The following ACSBG1 variants were observed in gnomAD, a reference collection of about 807,000 sequenced individuals.
ACSBG1 encodes acyl-CoA synthetase bubblegum family member 1.
In ACSBG1, 39 loss-of-function variants were observed where a neutral mutation model predicts 80.2. The observed-to-expected ratio is 0.49, with a 90% confidence interval of 0.38 to 0.64. The LOEUF (loss-of-function observed/expected upper bound fraction) is 0.64, where lower values mean the gene tolerates loss of function less well. ACSBG1 is among the 30% of genes least tolerant of loss of function. The pLI is 0.00. For synonymous variants in ACSBG1, 392 were observed against 379.5 expected, an observed-to-expected ratio of 1.03 and a Z score of -0.38; for missense variants, 828 against 966.4, an observed-to-expected ratio of 0.86 and a Z score of 1.90.
rs907265291 is a variant in ACSBG1 at position 78,208,156 on chromosome 15, C to CT, written c.132-55dup. The CT allele has an allele frequency of 8.7e-5, 127 of 1,453,990 alleles. No homozygotes were observed. The African/African-American group carries it at 1.7e-3, about 19-fold the overall frequency. 90.1% of individuals were successfully genotyped at this position (1,453,990 alleles called of 1,614,324 possible). A position where few individuals can be genotyped will look rare whatever the true frequency, so the allele number is the denominator to read the frequency against. On this transcript the variant is annotated intron_variant, in intron 1 of 13. Transcript: ENST00000258873. ...ATTCATTAGAACGTGGGGGACCGGC[C>CT]TGGGCTTAGGGACTCCGGCCTGGCA...
At chr15:78,194,108 G>T in intron 3 of ACSBG1, 88 bp from the exon 4 acceptor site, 4 of 1,287,472 alleles carry the variant, frequency 3.1e-6, no homozygotes, top group Non-Finnish European at 4.5e-6. Flanking sequence ...AGACTGCAGG[G>T]GACCTGCAGG....
At chr15:78,186,674 G>C (rs1224323783) in intron 5 of ACSBG1, among the ~76,000 whole-genome samples, 2 of 152,048 alleles carry the variant, frequency 1.3e-5, no homozygotes, top group East Asian at 1.9e-4. Context: ...ATTCAAAGCA[G>C]TGTGTAGAGG....
chr15:78,210,820 C>T (rs1274780679), intron 1 of ACSBG1, among the ~76,000 whole-genome samples: 1 of 152,094 alleles, frequency 6.6e-6, no homozygotes, highest in African/African-American at 2.4e-5. Flanking sequence ...TGCTATGTTG[C>T]CAGGCCTGGT....
chr15:78,199,237 G>C (rs903992304), intron 2 of ACSBG1, among the ~76,000 whole-genome samples: 2 of 151,776 alleles, frequency 1.3e-5, no homozygotes, highest in African/African-American at 4.8e-5. Context: ...ACAGCACTAA[G>C]CCCAGCTAAT....
rs2074805970 is a variant in ACSBG1, at chr15:78,170,435, T to G, written c.*1009A>C. The G allele has an allele frequency of 6.6e-6, 1 of 152,098 alleles. No homozygotes were observed. 9.4% of individuals were successfully genotyped at this position (152,098 alleles called of 1,614,324 possible). On this transcript the variant is annotated 3_prime_UTR_variant, in exon 14 of 14. Coordinates refer to ENST00000258873, the MANE Select transcript of ACSBG1 (RefSeq NM_015162.5). Reference sequence around the variant, plus strand: ...TGTAACCGCCCCCCCAGACTTATAATCTTAAATGTATTTTCCTTTGTTTAA... The same window carrying G: ...TGTAACCGCCCCCCCAGACTTATAAGCTTAAATGTATTTTCCTTTGTTTAA...
chr15:78,189,396 CAAT>C (rs1483394777), intron 5 of ACSBG1, among the ~76,000 whole-genome samples: 2 of 151,420 alleles, frequency 1.3e-5, no homozygotes, highest in African/African-American at 4.9e-5. Context: ...GCACTATTCA[CAAT>C]AGCAAAGACT....
At position 78,182,440 on chromosome 15, in the gene ACSBG1, C is replaced by A. The variant is rs8032366; in HGVS notation, c.894+26G>T. 0.052 allele frequency: 84,148 copies of A among 1,611,836 alleles called. 2,525 individuals are homozygous for A. The highest frequency in any genetic ancestry group is 0.13 in the African/African-American group (9,410 of 74,976). On this transcript the variant is annotated intron_variant, in intron 7 of 13. Transcript: ENST00000258873. ...CCACCCATAACCCCCTTGCACCCCC[C>A]CCACCCCACCGGGCATCTGTCCTAC...
intron 5 of ACSBG1, among the ~76,000 whole-genome samples, chr15:78,185,548 A>G (rs1374139101): frequency 6.6e-6 from 1 of 152,212 alleles, no homozygotes; most frequent in Non-Finnish European, 1.5e-5. Context: ...AATCAAATAT[A>G]CATGTAATTG....
intron 4 of ACSBG1, 134 bp from the exon 5 acceptor site, chr15:78,193,760 G>A (rs2075081358): frequency 6.9e-7 from 1 of 1,442,784 alleles, no homozygotes; most frequent in Non-Finnish European, 9.3e-7. Flanking sequence ...AGGCACCTGA[G>A]CACCTCCTCC....
At chr15:78,186,397 A>G (rs966269580) in intron 5 of ACSBG1, among the ~76,000 whole-genome samples, 6 of 152,226 alleles carry the variant, frequency 3.9e-5, no homozygotes, top group Non-Finnish European at 5.9e-5. Context: ...CACCACACCT[A>G]TTCCAAAACT....
At chr15:78,187,855 T>C (rs111556103) in intron 5 of ACSBG1, among the ~76,000 whole-genome samples, 2 of 152,126 alleles carry the variant, frequency 1.3e-5, no homozygotes, top group African/African-American at 4.8e-5. Flanking sequence ...AAATAAAGGG[T>C]ATTCAATTAG....
At chr15:78,181,810 T>C (rs1016736169) in intron 8 of ACSBG1, among the ~76,000 whole-genome samples, 159 bp downstream of exon 8, 2 of 152,172 alleles carry the variant, frequency 1.3e-5, no homozygotes, top group Admixed American at 6.5e-5. Context: ...CCTTCTTGTT[T>C]GGTCATTCGA....
At chr15:78,185,323 G>A (rs1419724119) in intron 5 of ACSBG1, among the ~76,000 whole-genome samples, 1 of 152,192 alleles carries the variant, frequency 6.6e-6, no homozygotes, top group Non-Finnish European at 1.5e-5. Flanking sequence ...AGCAGCTGAT[G>A]TAGGAATTGC....
chr15:78,232,051 C>A (rs1426178949), intron 1 of ACSBG1, among the ~76,000 whole-genome samples: 1 of 152,336 alleles, frequency 6.6e-6, no homozygotes, highest in East Asian at 1.9e-4. Context: ...AGGAGCAGAG[C>A]TGGACTGGAA....
At chr15:78,207,383 T>C (rs2075225260) in intron 2 of ACSBG1, among the ~76,000 whole-genome samples, 1 of 152,164 alleles carries the variant, frequency 6.6e-6, no homozygotes, top group African/African-American at 2.4e-5. Flanking sequence ...TGTTTTCTTT[T>C]TGTTTTTAAA....
intron 1 of ACSBG1, among the ~76,000 whole-genome samples, chr15:78,209,450 C>T (rs2075249365): frequency 6.6e-6 from 1 of 152,158 alleles, no homozygotes; most frequent in African/African-American, 2.4e-5. Flanking sequence ...GAGATGGCAA[C>T]GTGTGCTTCC....
chr15:78,172,898 G>A lies in ACSBG1; in HGVS notation c.2089+695C>T, dbSNP rs529373095. ...CCTTTGTCACACAAGCTGACTTTCCGGAAGATCACAGTACTCTCACCCCTA... is the reference window on the plus strand; with the variant it reads ...CCTTTGTCACACAAGCTGACTTTCCAGAAGATCACAGTACTCTCACCCCTA... On this transcript the variant is annotated intron_variant, in intron 13 of 13. Transcript: ENST00000258873. This position sits in a 1 kb window ranked among gnomAD's most constrained non-coding sequence, Gnocchi z 4.1. Among the ~76,000 whole-genome samples, 4 of 152,270 alleles carry A rather than the reference G, an allele frequency of 2.6e-5. No homozygotes were observed. The highest frequency in any genetic ancestry group is 6.5e-5 in the Admixed American group (1 of 15,294).
At chr15:78,223,209 T>C (rs1232690327) in intron 1 of ACSBG1, among the ~76,000 whole-genome samples, 1 of 138,274 alleles carries the variant, frequency 7.2e-6, no homozygotes. Flanking sequence ...TTGGAGAGCA[T>C]GTGAAGAAGC....
chr15:78,230,130 C>T (rs2075434310), intron 1 of ACSBG1, among the ~76,000 whole-genome samples: 1 of 152,206 alleles, frequency 6.6e-6, no homozygotes, highest in Non-Finnish European at 1.5e-5. Flanking sequence ...GACCCAGGCC[C>T]TGGGCAGGCT....
Sources: gnomAD v4.1 joint callset for allele counts (sites outside exome capture counted in the v4.1 genomes callset) on GRCh38, gnomAD v4.1.1 for gene constraint, Gnocchi (gnomAD v3.1) non-coding constraint, MANE v1.5 for transcripts, NCBI Gene and HGNC (gene_info 2026-07-23, HGNC 2026-07-21) for gene names.